KIF16B: variants seen among roughly 807,000 people sequenced by gnomAD.
KIF16B encodes the protein kinesin family member 16B.
Under a neutral mutation model 156.3 loss-of-function variants are expected in KIF16B, and 98 were observed. The ratio of observed to expected loss-of-function variants is 0.63; its 90% CI spans 0.53 to 0.74. The LOEUF is 0.74. Among genes scored for constraint, KIF16B ranks in the 30% least tolerant of loss-of-function variants. The pLI is 0.00. For missense variants in KIF16B, 1,421 were observed against 1,606.5 expected (o/e 0.88, Z 1.97); for synonymous variants, 564 against 583.7 (o/e 0.97, Z 0.49).
intron 15 of KIF16B, among the ~76,000 whole-genome samples, chr20:16,415,630 C>T (rs1166326647): frequency 1.3e-5 from 2 of 152,144 alleles, no homozygotes; most frequent in Non-Finnish European, 2.9e-5. Flanking sequence ...GACTCAACAG[C>T]GTTGATCTCA....
intron 12 of KIF16B, among the ~76,000 whole-genome samples, chr20:16,451,135 G>A (rs776919824): frequency 1.2e-4 from 19 of 152,184 alleles, no homozygotes; most frequent in Non-Finnish European, 2.8e-4. Context: ...TGTACGTCTG[G>A]AAAATACAAA....
intron 21 of KIF16B, 32 bp from the exon 22 acceptor site, chr20:16,370,668 A>T (rs769373760): frequency 6.5e-7 from 1 of 1,544,214 alleles, no homozygotes; most frequent in Non-Finnish European, 8.7e-7. Context: ...CTCTATATTA[A>T]ATTATAGCAA....
At chr20:16,302,070 C>T (rs763498402) in intron 25 of KIF16B, among the ~76,000 whole-genome samples, 4 of 152,200 alleles carry the variant, frequency 2.6e-5, no homozygotes, top group African/African-American at 9.7e-5. Context: ...TTTTCTCAGT[C>T]TGTAGATTCC....
intron 24 of KIF16B, among the ~76,000 whole-genome samples, chr20:16,329,721 AC>A (rs2063916350): frequency 6.6e-6 from 1 of 152,232 alleles, no homozygotes; most frequent in East Asian, 1.9e-4. Context: ...CTTGCATAAT[AC>A]ATGTCAATAG....
At chr20:16,298,180 C>T (rs1461731522) in intron 25 of KIF16B, among the ~76,000 whole-genome samples, 1 of 152,210 alleles carries the variant, frequency 6.6e-6, no homozygotes, top group Non-Finnish European at 1.5e-5. Flanking sequence ...GCTGCAGAAT[C>T]TGTATTTTTC....
At chr20:16,401,611 CT>C (rs1266317730) in intron 17 of KIF16B, among the ~76,000 whole-genome samples, 1 of 152,208 alleles carries the variant, frequency 6.6e-6, no homozygotes, top group Non-Finnish European at 1.5e-5. Context: ...CACAAGGCCC[CT>C]GACCTTAAAA....
chr20:16,313,517 C>G (rs982628218), intron 24 of KIF16B, among the ~76,000 whole-genome samples: 2 of 152,180 alleles, frequency 1.3e-5, no homozygotes, highest in African/African-American at 4.8e-5. Flanking sequence ...CACTGTGTAA[C>G]CAGCACTCGC....
Position 16,406,418 on chromosome 20 carries a change from A to AGCGAAACATATTGGT in KIF16B, c.1636_1650dup (p.Thr546_Arg550dup), listed in dbSNP as rs777360377. Reference sequence around the variant, plus strand: ...TTGGCGGCTTCCTTTGGATGGTTAAAGCGAAACATATTGGTTCTTCCCAAG... The same window carrying AGCGAAACATATTGGT: ...TTGGCGGCTTCCTTTGGATGGTTAAAGCGAAACATATTGGTGCGAAACATATTGGTTCTTCCCAAG... On this transcript the variant is annotated inframe_insertion, in exon 16 of 26. Coordinates refer to ENST00000354981, the MANE Select transcript of KIF16B (RefSeq NM_024704.5). 24 of 1,613,456 alleles carry AGCGAAACATATTGGT rather than the reference A, an allele frequency of 1.5e-5. No individual in the cohort carries two copies. The highest frequency in any genetic ancestry group is 1.6e-5 in the Non-Finnish European group (19 of 1,179,640).
At chr20:16,353,684 G>A (rs900336578) in intron 23 of KIF16B, among the ~76,000 whole-genome samples, 1 of 152,166 alleles carries the variant, frequency 6.6e-6, no homozygotes, top group African/African-American at 2.4e-5. Flanking sequence ...GGGGGCAGGG[G>A]GAGGGTATGC....
chr20:16,369,903 T>A (rs1206329737), intron 22 of KIF16B, among the ~76,000 whole-genome samples: 1 of 152,152 alleles, frequency 6.6e-6, no homozygotes, highest in African/African-American at 2.4e-5. Context: ...AGGAGGGAAA[T>A]GGCTATCCAG....
At chr20:16,508,863 T>G (rs994776217) in intron 6 of KIF16B, among the ~76,000 whole-genome samples, 1 of 152,244 alleles carries the variant, frequency 6.6e-6, no homozygotes, top group African/African-American at 2.4e-5. Flanking sequence ...TTTTAAATCA[T>G]TTTAACAAAT....
chr20:16,446,852 T>C (rs1452576102), intron 12 of KIF16B, among the ~76,000 whole-genome samples: 1 of 152,188 alleles, frequency 6.6e-6, no homozygotes, highest in African/African-American at 2.4e-5. Context: ...AAACAATAAA[T>C]GCTCCTACAC....
intron 4 of KIF16B, among the ~76,000 whole-genome samples, chr20:16,514,895 A>C (rs1478334808): frequency 3.6e-5 from 5 of 137,788 alleles, no homozygotes; most frequent in African/African-American, 1.4e-4. Context: ...CAAAAAAAAA[A>C]AAAAAAAAAA....
At chr20:16,344,618 G>T (rs2064198247) in intron 23 of KIF16B, among the ~76,000 whole-genome samples, 1 of 152,186 alleles carries the variant, frequency 6.6e-6, no homozygotes, top group Non-Finnish European at 1.5e-5. Flanking sequence ...CAAACTGAGT[G>T]CCTATGGTGT....
At chr20:16,416,559 A>G (rs1403435424) in intron 15 of KIF16B, among the ~76,000 whole-genome samples, 1 of 152,058 alleles carries the variant, frequency 6.6e-6, no homozygotes, top group Non-Finnish European at 1.5e-5. Flanking sequence ...GGAACACCAC[A>G]CACTGGGGCC....
intron 1 of KIF16B, among the ~76,000 whole-genome samples, chr20:16,548,079 A>T (rs1354700075): frequency 6.6e-6 from 1 of 152,190 alleles, no homozygotes; most frequent in Non-Finnish European, 1.5e-5. Context: ...CTTATCCCAT[A>T]ATGAGATGTC....
rs576539194 is a variant in KIF16B at position 16,397,589 on chromosome 20, A to C, written c.1784+7224T>G. ...TCACATTGCTCTGAGGATAACTTGG[A>C]GCTTACTGGATACAATAATTTGCAA... On this transcript the variant is annotated intron_variant, in intron 17 of 25. Transcript: ENST00000354981. Among the ~76,000 whole-genome samples, 3 of 152,336 alleles carry C rather than the reference A, an allele frequency of 2.0e-5. No homozygotes were observed. The East Asian group carries it at 5.8e-4, about 29-fold the overall frequency.
chr20:16,505,894 T>C, intron 8 of KIF16B, 41 bp from the exon 9 acceptor site: 1 of 1,607,888 alleles, frequency 6.2e-7, no homozygotes, highest in Non-Finnish European at 8.5e-7. Context: ...GGACAATTAG[T>C]AAAATTTTTT....
At chr20:16,359,309 C>T (rs1366528449) in intron 22 of KIF16B, among the ~76,000 whole-genome samples, 1 of 151,872 alleles carries the variant, frequency 6.6e-6, no homozygotes, top group Non-Finnish European at 1.5e-5. Flanking sequence ...TGAGTTCTCA[C>T]CAGATCTGGT....
Sources: allele counts gnomAD v4.1 joint callset (sites outside exome capture counted in the v4.1 genomes callset), GRCh38; gene constraint gnomAD v4.1.1; transcripts MANE v1.5; gene names NCBI Gene and HGNC (gene_info 2026-07-23, HGNC 2026-07-21).